The following PTPN13 variants were observed in gnomAD, a reference collection of about 807,000 sequenced individuals.
PTPN13 encodes the protein tyrosine-protein phosphatase non-receptor type 13.
In PTPN13, 191 loss-of-function variants were observed where a neutral mutation model predicts 284.0. That is an observed-to-expected ratio of 0.67 (90% CI 0.60 to 0.76). PTPN13 has a LOEUF of 0.76. Ranked by LOEUF, PTPN13 falls within the 30% of genes least tolerant of loss-of-function variation. The pLI is 0.00. For synonymous variants in PTPN13, 986 were observed against 1,022.3 expected (o/e 0.96, Z 0.68); for missense variants, 2,797 against 2,939.9 (o/e 0.95, Z 1.12).
intron 17 of PTPN13, among the ~76,000 whole-genome samples, 158 bp downstream of exon 17, chr4:86,745,286 A>G (rs1578557067): frequency 1.3e-5 from 2 of 152,368 alleles, no homozygotes; most frequent in Admixed American, 6.5e-5. Flanking sequence ...AGTGAAGCCA[A>G]TATTTCAATT....
intron 2 of PTPN13, among the ~76,000 whole-genome samples, chr4:86,664,247 G>A (rs762975173): frequency 6.6e-6 from 1 of 152,146 alleles, no homozygotes; most frequent in Non-Finnish European, 1.5e-5. Context: ...AATAAGCCAA[G>A]CTGACTCTTA....
chr4:86,643,786 A>G (rs1328542032), intron 2 of PTPN13, among the ~76,000 whole-genome samples: 1 of 152,210 alleles, frequency 6.6e-6, no homozygotes, highest in Non-Finnish European at 1.5e-5. Flanking sequence ...AATGACTTAT[A>G]GGAGTTAGTA....
intron 1 of PTPN13, chr4:86,595,560 T>G (rs1763599123): frequency 6.5e-6 from 1 of 154,020 alleles, no homozygotes; most frequent in Admixed American, 6.5e-5. Flanking sequence ...CAGTTTTCAT[T>G]GGCCATACAC....
rs189089032 is a variant in PTPN13 at position 86,716,474 on chromosome 4, T to A, written c.1196-56T>A. The stretch of plus-strand genomic sequence containing the variant: ...ACAGGATTAAAATTAATATTTTGAT[T>A]TATGTGGAATAGCTAATGAGTTTGC... On this transcript the variant is annotated intron_variant, in intron 7 of 47. Coordinates refer to ENST00000411767, the MANE Select transcript of PTPN13 (RefSeq NM_080683.3). The A allele has an allele frequency of 3.1e-3, 3,087 of 1,011,368 alleles. 10 individuals are homozygous for A. The highest frequency in any genetic ancestry group is 4.0e-3 in the Non-Finnish European group (2,758 of 688,006). The allele number at this position is 1,011,368 out of a possible 1,614,324, so 62.6% of individuals were successfully genotyped here.
intron 26 of PTPN13, 32 bp downstream of exon 26, chr4:86,765,520 G>A: frequency 1.4e-6 from 2 of 1,403,626 alleles, no homozygotes; most frequent in East Asian, 2.5e-5. Context: ...GGAATTATAT[G>A]TATGAATATT....
intron 7 of PTPN13, among the ~76,000 whole-genome samples, chr4:86,713,951 C>T (rs1732714331): frequency 6.6e-6 from 1 of 151,958 alleles, no homozygotes; most frequent in Non-Finnish European, 1.5e-5. Flanking sequence ...TGAAGACTGT[C>T]CTCAGGTTTG....
In PTPN13 at chr4:86,601,119, T is replaced by C. The variant is rs1190063437; in HGVS notation, c.-6+6330T>C. Among the ~76,000 whole-genome samples, 11 of 152,106 alleles carry C rather than the reference T, an allele frequency of 7.2e-5. No individual in the cohort carries two copies. In the South Asian group the frequency reaches 2.3e-3, roughly 32 times the overall value. On this transcript the variant is annotated intron_variant, in intron 1 of 47. Transcript: ENST00000411767. ...CATATGTGAATTTTCTAGTACTCTA[T>C]GAAAATTTACCAAGACTGAAATGTA...
intron 1 of PTPN13, among the ~76,000 whole-genome samples, chr4:86,608,898 G>A (rs1399515918): frequency 6.6e-6 from 1 of 152,104 alleles, no homozygotes; most frequent in Non-Finnish European, 1.5e-5. Flanking sequence ...TATTTACAGA[G>A]CCCCAAACTG....
At chr4:86,717,189 ATT>A (rs35080587) in intron 9 of PTPN13, 72 bp downstream of exon 9, 2,047 of 735,500 alleles carry the variant, frequency 2.8e-3, no homozygotes, top group South Asian at 5.3e-3. Flanking sequence ...ATTAAATGGA[ATT>A]TTTTTTTTTT....
At chr4:86,640,129 G>A (rs1469084972) in intron 2 of PTPN13, among the ~76,000 whole-genome samples, 2 of 152,064 alleles carry the variant, frequency 1.3e-5, no homozygotes, top group African/African-American at 4.8e-5. Context: ...AGACAGGATT[G>A]TGAAAAAACA....
chr4:86,713,706 A>T (rs181275473), intron 7 of PTPN13, among the ~76,000 whole-genome samples: 11 of 152,226 alleles, frequency 7.2e-5, no homozygotes, highest in African/African-American at 2.6e-4. Context: ...CTTTCTGTCC[A>T]TGGAGTCTGT....
chr4:86,737,256 T>TATAAA (rs927795749), intron 15 of PTPN13, among the ~76,000 whole-genome samples: 20 of 150,934 alleles, frequency 1.3e-4, no homozygotes, highest in South Asian at 1.0e-3. Flanking sequence ...TAAAATAAAA[T>TATAAA]ATAAAATAAA....
chr4:86,651,378 G>C (rs1257476463), intron 2 of PTPN13, among the ~76,000 whole-genome samples: 3 of 151,726 alleles, frequency 2.0e-5, no homozygotes, highest in Non-Finnish European at 2.9e-5. Context: ...TAGTTAGTTT[G>C]TTTCCTTCCT....
At chr4:86,805,850 G>A (rs956973531) in intron 44 of PTPN13, among the ~76,000 whole-genome samples, 1 of 152,018 alleles carries the variant, frequency 6.6e-6, no homozygotes, top group Admixed American at 6.5e-5. Context: ...TCAGATACCA[G>A]AAGGGAACAA....
Position 86,631,480 on chromosome 4 carries a change from A to G in PTPN13, c.-5-3772A>G, listed in dbSNP as rs191856806. 2.8e-4 allele frequency among the ~76,000 whole-genome samples: 42 copies of G among 152,260 alleles called. 1 individual carries two copies. In the East Asian group the frequency reaches 6.7e-3, roughly 24 times the overall value. On this transcript the variant is annotated intron_variant, in intron 1 of 47. Coordinates refer to ENST00000411767, the MANE Select transcript of PTPN13 (RefSeq NM_080683.3). The stretch of plus-strand genomic sequence containing the variant: ...CTGTAATACTACATTAAATTCTGAC[A>G]TTGGGTAATTAGAATGAGGCAGTTT...
intron 1 of PTPN13, among the ~76,000 whole-genome samples, chr4:86,629,113 C>A (rs1378563246): frequency 1.2e-4 from 18 of 147,028 alleles, no homozygotes; most frequent in Non-Finnish European, 2.1e-4. Context: ...TAATTAAACT[C>A]AAGAGCTTCT....
rs144750111 is a variant in PTPN13 at position 86,796,744 on chromosome 4, T to C, written c.6346-130T>C. 1,447 of 628,022 alleles carry C rather than the reference T, an allele frequency of 2.3e-3. 13 individuals carry two copies. The highest frequency in any genetic ancestry group is 0.022 in the African/African-American group (1,186 of 53,590). 38.9% of individuals were successfully genotyped at this position (628,022 alleles called of 1,614,324 possible). A position where few individuals can be genotyped will look rare whatever the true frequency, so the allele number is the denominator to read the frequency against. ...CTGTTTGGAGTGTATTAATTGAATGTCATATGTGTCTTTGTAATATAAGGA... is the reference window on the plus strand; with the variant it reads ...CTGTTTGGAGTGTATTAATTGAATGCCATATGTGTCTTTGTAATATAAGGA... On this transcript the variant is annotated intron_variant, in intron 40 of 47. Transcript: ENST00000411767.
chr4:86,653,482 G>A (rs1176322504), intron 2 of PTPN13, among the ~76,000 whole-genome samples: 1 of 150,408 alleles, frequency 6.6e-6, no homozygotes, highest in Non-Finnish European at 1.5e-5. Context: ...CTAAGCTCCG[G>A]AGCGCCTCAA....
At chr4:86,683,347 A>G (rs909963986) in intron 3 of PTPN13, among the ~76,000 whole-genome samples, 9 of 152,136 alleles carry the variant, frequency 5.9e-5, no homozygotes, top group African/African-American at 2.2e-4. Context: ...GTGTAGTTCT[A>G]GTTCAAAGAC....
Sources: allele counts gnomAD v4.1 joint callset (sites outside exome capture counted in the v4.1 genomes callset), GRCh38; gene constraint gnomAD v4.1.1; transcripts MANE v1.5; gene names NCBI Gene and HGNC (gene_info 2026-07-23, HGNC 2026-07-21).